ENTREP2: variants seen among roughly 807,000 people sequenced by gnomAD.
The protein encoded by ENTREP2 is protein ENTREP2.
At chr15:29,519,186 C>G in the ENTREP2 span, among the ~76,000 whole-genome samples, 2 of 151,948 alleles carry the variant, frequency 1.3e-5, no homozygotes, top group Admixed American at 6.6e-5. Flanking sequence ...CATACACACA[C>G]AGAGTAGATA....
At chr15:29,551,954 A>C in the ENTREP2 span, among the ~76,000 whole-genome samples, 2 of 152,190 alleles carry the variant, frequency 1.3e-5, no homozygotes, top group African/African-American at 2.4e-5. Context: ...TATTTTTTCC[A>C]GAGATGGAAA....
the ENTREP2 span, among the ~76,000 whole-genome samples, chr15:29,518,965 T>A: frequency 6.6e-6 from 1 of 152,122 alleles, no homozygotes; most frequent in Admixed American, 6.5e-5. Context: ...AAGCAGACCC[T>A]TGCTCTATGG....
chr15:29,564,821 G>A, the ENTREP2 span, among the ~76,000 whole-genome samples: 2 of 152,194 alleles, frequency 1.3e-5, no homozygotes, highest in Admixed American at 6.5e-5. Flanking sequence ...ATAAAGGAGT[G>A]GGGAGAGAGT....
chr15:29,461,504 C>T, the ENTREP2 span, among the ~76,000 whole-genome samples: 24 of 151,844 alleles, frequency 1.6e-4, no homozygotes, highest in Non-Finnish European at 2.8e-4. Flanking sequence ...TTTTTTGAGA[C>T]GGAGTCTTGC....
the ENTREP2 span, among the ~76,000 whole-genome samples, chr15:29,618,064 A>G: frequency 1.3e-5 from 2 of 151,416 alleles, no homozygotes; most frequent in Admixed American, 6.6e-5. Context: ...TCTTTCTTAG[A>G]GTCTTAGAAA....
chr15:29,349,676 T>C, the ENTREP2 span, among the ~76,000 whole-genome samples: 11 of 152,062 alleles, frequency 7.2e-5, no homozygotes, highest in African/African-American at 2.7e-4. Flanking sequence ...GGCAGGTGGA[T>C]TACCTGAGCT....
the ENTREP2 span, among the ~76,000 whole-genome samples, chr15:29,297,799 A>G: frequency 6.6e-6 from 1 of 152,202 alleles, no homozygotes; most frequent in Non-Finnish European, 1.5e-5. Context: ...TCTACAGGTG[A>G]AATGCTTCGG....
At chr15:29,353,488 T>C in the ENTREP2 span, among the ~76,000 whole-genome samples, 14 of 152,222 alleles carry the variant, frequency 9.2e-5, no homozygotes, top group Admixed American at 3.3e-4. Flanking sequence ...CATAAGCGTA[T>C]GAATCTATGT....
the ENTREP2 span, among the ~76,000 whole-genome samples, chr15:29,429,301 A>C: frequency 6.6e-6 from 1 of 152,286 alleles, no homozygotes; most frequent in African/African-American, 2.4e-5. Context: ...GGCTCACTGC[A>C]GCCTCAACCT....
At chr15:29,150,872 T>A in the ENTREP2 span, among the ~76,000 whole-genome samples, 1 of 151,818 alleles carries the variant, frequency 6.6e-6, no homozygotes, top group African/African-American at 2.4e-5. Flanking sequence ...GGAAGCAGCG[T>A]AGGTCTCAAA....
chr15:29,147,516 A>C, the ENTREP2 span, among the ~76,000 whole-genome samples: 1 of 152,054 alleles, frequency 6.6e-6, no homozygotes, highest in African/African-American at 2.4e-5. Context: ...ACCAAAATGA[A>C]ATACCACTTC....
the ENTREP2 span, among the ~76,000 whole-genome samples, chr15:29,394,284 A>G: frequency 6.6e-6 from 1 of 152,172 alleles, no homozygotes; most frequent in Non-Finnish European, 1.5e-5. Flanking sequence ...TGACAAAATG[A>G]TTCAAAAATT....
At chr15:29,310,340 C>A in the ENTREP2 span, among the ~76,000 whole-genome samples, 31 of 152,276 alleles carry the variant, frequency 2.0e-4, no homozygotes, top group South Asian at 1.5e-3. Flanking sequence ...CGCAGCAACT[C>A]AGGAGCTCAA....
At chr15:29,261,416 T>C in the ENTREP2 span, among the ~76,000 whole-genome samples, 1 of 152,126 alleles carries the variant, frequency 6.6e-6, no homozygotes, top group African/African-American at 2.4e-5. Context: ...TGGTGGCGCT[T>C]GACTGTAGTC....
chr15:29,503,765 T>A, the ENTREP2 span, among the ~76,000 whole-genome samples: 1 of 152,306 alleles, frequency 6.6e-6, no homozygotes, highest in East Asian at 1.9e-4. Context: ...ATTACAAAGA[T>A]GGGTCATGCA....
chr15:29,151,870 G>C, the ENTREP2 span: 1 of 1,504,014 alleles, frequency 6.6e-7, no homozygotes, highest in Non-Finnish European at 9.0e-7. Flanking sequence ...GAGAATGTCA[G>C]CCTCATCCCG....
the ENTREP2 span, among the ~76,000 whole-genome samples, chr15:29,435,831 G>T: frequency 8.7e-4 from 133 of 152,150 alleles, no homozygotes; most frequent in African/African-American, 3.1e-3. Context: ...GTTTGCCCTG[G>T]AGTTTTCGGT....
the ENTREP2 span, among the ~76,000 whole-genome samples, chr15:29,665,781 A>G: frequency 6.6e-6 from 1 of 150,850 alleles, no homozygotes; most frequent in South Asian, 2.1e-4. Context: ...GAAGGTTCCT[A>G]TGTTCCTGTC....
chr15:29,155,064 C>T, the ENTREP2 span, among the ~76,000 whole-genome samples: 20 of 151,536 alleles, frequency 1.3e-4, no homozygotes, highest in African/African-American at 4.4e-4. Flanking sequence ...GGGTGGATCA[C>T]AAGGTCAGGA....
Sources: allele counts gnomAD v4.1 joint callset (sites outside exome capture counted in the v4.1 genomes callset), GRCh38; gene constraint gnomAD v4.1.1; transcripts MANE v1.5; gene names NCBI Gene and HGNC (gene_info 2026-07-23, HGNC 2026-07-21).